Variants in TMEM147 observed in about 807,000 individuals in gnomAD.
TMEM147 encodes the protein BOS complex subunit TMEM147.
In TMEM147, 29 loss-of-function variants were observed where a neutral mutation model predicts 29.4. That is an observed-to-expected ratio of 0.99 (90% CI 0.73 to 1.34). TMEM147 has a LOEUF of 1.34. Ranked by LOEUF, TMEM147 falls within the 40% of genes most tolerant of loss-of-function variation. TMEM147 has a pLI of 0.00. For synonymous variants in TMEM147, 121 were observed against 111.8 expected, an observed-to-expected ratio of 1.08 and a Z score of -0.52; for missense variants, 260 against 289.4, an observed-to-expected ratio of 0.90 and a Z score of 0.74.
chr19:35,547,387 G>C lies in TMEM147; in HGVS notation c.615G>C (p.Thr205=). ...WAALLARAVV[T]GLLALSTLAL... ...CTCTACTGGCCCGAGCAGTGGTAAC[G>C]GGGCTGCTGGCCCTCAGCACTTTGG... Residue 205 remains threonine, a synonymous_variant, in exon 7 of 7, where the codon ACG becomes ACC. Coordinates refer to ENST00000222284, the MANE Select transcript of TMEM147 (RefSeq NM_032635.4). 6.2e-7 allele frequency: 1 copy of C among 1,613,880 alleles called. No individual in the cohort carries two copies. The highest frequency in any genetic ancestry group is 8.5e-7 in the Non-Finnish European group (1 of 1,180,032).
rs770526301 is a variant in TMEM147 at position 35,546,821 on chromosome 19, GC to G, written c.344+15del. On this transcript the variant is annotated intron_variant, in intron 4 of 6. Coordinates refer to ENST00000222284, the MANE Select transcript of TMEM147 (RefSeq NM_032635.4). ...TTATTATGTCCCGGTGCGTACAGCAGCCTGGAGCCCAGACCCCTGAGAAGGG... is the reference window on the plus strand; with the variant it reads ...TTATTATGTCCCGGTGCGTACAGCAGCTGGAGCCCAGACCCCTGAGAAGGG... The G allele has an allele frequency of 1.2e-5, 19 of 1,614,090 alleles. No homozygotes were observed. The highest frequency in any genetic ancestry group is 1.2e-4 in the Admixed American group (7 of 60,014).
Position 35,545,836 on chromosome 19 carries a change from G to C in TMEM147, c.77+20G>C, listed in dbSNP as rs2071548276. ...CGGCCTGTGAGTGCGGGAAGGGCGCGGGGCGGAGAGGGCGCGGGGCCCGGG... is the reference window on the plus strand; with the variant it reads ...CGGCCTGTGAGTGCGGGAAGGGCGCCGGGCGGAGAGGGCGCGGGGCCCGGG... On this transcript the variant is annotated intron_variant, in intron 1 of 6. Transcript: ENST00000222284. 6.8e-6 allele frequency: 11 copies of C among 1,613,834 alleles called. No homozygotes were observed. In the East Asian group the frequency reaches 2.5e-4, roughly 36 times the overall value.
intron 2 of TMEM147, 112 bp downstream of exon 2, chr19:35,546,069 G>A: frequency 8.3e-7 from 1 of 1,204,874 alleles, no homozygotes; most frequent in Non-Finnish European, 1.2e-6. Flanking sequence ...CCGCCCTCGG[G>A]ACTCCGCACT....
chr19:35,546,045 GC>G, intron 2 of TMEM147, 88 bp downstream of exon 2: 3 of 1,443,972 alleles, frequency 2.1e-6, no homozygotes, highest in Non-Finnish European at 2.8e-6. Flanking sequence ...CGCCCCCGCC[GC>G]CCCACGGTGG....
At chr19:35,546,068 G>A (rs1439106229) in intron 2 of TMEM147, 111 bp downstream of exon 2, 1 of 1,232,114 alleles carries the variant, frequency 8.1e-7, no homozygotes. Flanking sequence ...ACCGCCCTCG[G>A]GACTCCGCAC....
In TMEM147 at chr19:35,545,863, C is replaced by T. The variant is rs771674869; in HGVS notation, c.78-25C>T. ...GGCGGAGAGGGCGCGGGGCCCGGGCCGACCCTCACCTCCCGCTTCTCCAGG... is the reference window on the plus strand; with the variant it reads ...GGCGGAGAGGGCGCGGGGCCCGGGCTGACCCTCACCTCCCGCTTCTCCAGG... On this transcript the variant is annotated intron_variant, in intron 1 of 6. Transcript: ENST00000222284. The T allele has an allele frequency of 9.3e-6, 15 of 1,613,668 alleles. No homozygotes were observed. The Admixed American group carries it at 2.5e-4, about 27-fold the overall frequency.
chr19:35,545,943 G>C lies in TMEM147; in HGVS notation c.133G>C (p.Val45Leu), dbSNP rs771560205. Residue 45 changes from valine to leucine, a missense_variant, in exon 2 of 7, where the codon GTC (valine) becomes CTC (leucine). Transcript: ENST00000222284. ...CCAGGCTGGAGTCACCTACCTCTTT[G>C]TCCAACTCTGCAAGGTGAGGGCCAC... is the stretch of plus-strand genomic sequence containing the variant. The part of the protein sequence containing the change: ...CVQAGVTYLF[V>L]QLCKMLFLAT... The C allele has an allele frequency of 6.2e-7, 1 of 1,613,764 alleles. No individual in the cohort carries two copies. The highest frequency in any genetic ancestry group is 8.5e-7 in the Non-Finnish European group (1 of 1,179,884).
In TMEM147 at chr19:35,546,701, A is replaced by G. The variant is rs2071561629; in HGVS notation, c.237A>G (p.Ala79=). 1 of 1,614,126 alleles carries G rather than the reference A, an allele frequency of 6.2e-7. No homozygotes were observed. Among genetic ancestry groups the G allele is most frequent in the Non-Finnish European group, 8.5e-7 (1 of 1,179,966 alleles). ...GEFMKASVDV[A]DLIGLNLVMS... is the part of the protein sequence containing the mutation. ...TCATGAAGGCCAGCGTGGATGTGGC[A>G]GACCTGATAGGTCTAAACCTTGTCA... Residue 79 remains alanine, a synonymous_variant, in exon 4 of 7, where the codon GCA becomes GCG. Coordinates refer to ENST00000222284, the MANE Select transcript of TMEM147 (RefSeq NM_032635.4).
At position 35,547,350 on chromosome 19, in the gene TMEM147, G is replaced by A; in HGVS notation, c.578G>A (p.Gly193Asp). The A allele has an allele frequency of 6.2e-7, 1 of 1,613,996 alleles. No homozygotes were observed. Among genetic ancestry groups the A allele is most frequent in the South Asian group, 1.1e-5 (1 of 91,080 alleles). Residue 193 changes from glycine (G) to aspartate (D), a missense_variant, in exon 7 of 7, where the codon GGC becomes GAC. Transcript: ENST00000222284. ...METFVHLCSL[G>D]SWAALLARAV... ...ACCTTCGTCCACCTCTGCTCGCTGG[G>A]CAGTTGGGCAGCTCTACTGGCCCGA...
At position 35,546,659 on chromosome 19, in the gene TMEM147, A is replaced by G. The variant is rs753133959; in HGVS notation, c.208-13A>G. 15 of 1,611,284 alleles carry G rather than the reference A, an allele frequency of 9.3e-6. No homozygotes were observed. The highest frequency in any genetic ancestry group is 1.7e-5 in the Admixed American group (1 of 59,842). On this transcript the variant is annotated splice_polypyrimidine_tract_variant and intron_variant, in intron 3 of 6. Coordinates refer to ENST00000222284, the MANE Select transcript of TMEM147 (RefSeq NM_032635.4). ...TCCCCCTGTGCTTACTTAAGCCTCA[A>G]CCTGACCCGCAGGAGTTCATGAAGG...
Position 35,547,506 on chromosome 19 carries a change from G to T in TMEM147, c.*59G>T. On this transcript the variant is annotated 3_prime_UTR_variant, in exon 7 of 7. Transcript: ENST00000222284. ...CTGCCTCACTCCAGGTTTTAGTGAA[G>T]TAAACAGTATTTGGAAAGTTGTTGC... is the stretch of plus-strand genomic sequence containing the variant. 1 of 1,590,908 alleles carries T rather than the reference G, an allele frequency of 6.3e-7. No homozygotes were observed. The highest frequency in any genetic ancestry group is 8.6e-7 in the Non-Finnish European group (1 of 1,167,576).
chr19:35,546,565 G>A lies in TMEM147; in HGVS notation c.187G>A (p.Gly63Ser), dbSNP rs371117690. The A allele has an allele frequency of 4.0e-5, 64 of 1,613,482 alleles. No individual in the cohort carries two copies. Among genetic ancestry groups the A allele is most frequent in the Non-Finnish European group, 5.4e-5 (64 of 1,179,804 alleles). ...LATFFPTWEG[G>S]IYDFIGEFMK... is the part of the protein sequence containing the mutation. ...CACTTTCTTTCCCACCTGGGAAGGCGGCATCTATGACTTCATTGGGGTGAG... is the reference window on the plus strand; with the variant it reads ...CACTTTCTTTCCCACCTGGGAAGGCAGCATCTATGACTTCATTGGGGTGAG... The change falls in exon 3 of 7, where the codon GGC becomes AGC. Residue 63 changes from glycine to serine, a missense_variant. Gly to Ser is a moderately conservative substitution (Grantham distance 56). Transcript: ENST00000222284.
intron 2 of TMEM147, 129 bp downstream of exon 2, chr19:35,546,086 C>T (rs1475032773): frequency 5.8e-6 from 6 of 1,031,096 alleles, no homozygotes; most frequent in Non-Finnish European, 8.7e-6. Flanking sequence ...CACTGGGAGG[C>T]GTCAGGATAC....
intron 2 of TMEM147, 34 bp from the exon 3 acceptor site, chr19:35,546,492 C>A: frequency 1.3e-6 from 2 of 1,598,378 alleles, no homozygotes; most frequent in South Asian, 1.1e-5. Flanking sequence ...ATCCCCTCAC[C>A]TTGAAGTGAC....
In TMEM147 at chr19:35,545,957, G is replaced by T. The variant is rs776587043; in HGVS notation, c.147G>T (p.Lys49Asn). ...GVTYLFVQLC[K>N]MLFLATFFPT... is the part of the protein sequence containing the mutation. ...CCTACCTCTTTGTCCAACTCTGCAAGGTGAGGGCCACCGGGAAGCCACGTG... is the reference window on the plus strand; with the variant it reads ...CCTACCTCTTTGTCCAACTCTGCAATGTGAGGGCCACCGGGAAGCCACGTG... The change falls in exon 2 of 7, where the codon AAG becomes AAT. Residue 49 changes from lysine (K) to asparagine (N), a missense_variant and splice_region_variant. Transcript: ENST00000222284. 2 of 1,613,354 alleles carry T rather than the reference G, an allele frequency of 1.2e-6. No individual in the cohort carries two copies. Among genetic ancestry groups the T allele is most frequent in the Non-Finnish European group, 1.7e-6 (2 of 1,179,790 alleles).
At chr19:35,546,348 G>A (rs2071556762) in intron 2 of TMEM147, 178 bp from the exon 3 acceptor site, 10 of 714,822 alleles carry the variant, frequency 1.4e-5, no homozygotes, top group South Asian at 1.9e-5. Flanking sequence ...GGGACCCGGG[G>A]ACCTATCCTC....
intron 2 of TMEM147, 193 bp from the exon 3 acceptor site, chr19:35,546,333 C>T (rs541784786): frequency 1.8e-4 from 121 of 661,986 alleles, no homozygotes; most frequent in Non-Finnish European, 2.9e-4. Flanking sequence ...CTTCCAGCCC[C>T]CTCGGGGACC....
chr19:35,546,011 G>C (rs2071552047), intron 2 of TMEM147, 54 bp downstream of exon 2: 2 of 1,576,396 alleles, frequency 1.3e-6, no homozygotes, highest in Non-Finnish European at 8.6e-7. Context: ...GCAGACCCAG[G>C]GACCCGCCCC....
chr19:35,546,651 A>G (rs765786822), intron 3 of TMEM147, 21 bp from the exon 4 acceptor site: 3 of 1,610,426 alleles, frequency 1.9e-6, no homozygotes, highest in South Asian at 2.2e-5. Context: ...GTGCTTACTT[A>G]AGCCTCAACC....
Sources: gnomAD v4.1 joint callset for allele counts on GRCh38, gnomAD v4.1.1 for gene constraint, MANE v1.5 for transcripts, NCBI Gene and HGNC (gene_info 2026-07-23, HGNC 2026-07-21) for gene names.